Variants in THRB observed in about 807,000 individuals in gnomAD.
The protein encoded by THRB is nuclear receptor subfamily 1 group A member 2.
A neutral mutation model predicts 47.8 loss-of-function variants in THRB; 12 were observed. The observed-to-expected ratio is 0.25, with a 90% confidence interval of 0.16 to 0.41. The LOEUF (loss-of-function observed/expected upper bound fraction) is 0.41, where lower values mean the gene tolerates loss of function less well. Ranked by LOEUF, THRB falls within the 10% of genes least tolerant of loss-of-function variation. THRB has a pLI of 1.00. For missense variants in THRB, 348 were observed against 589.2 expected (o/e 0.59, Z 4.24); for synonymous variants, 218 against 212.2 (o/e 1.03, Z -0.24).
intron 3 of THRB, among the ~76,000 whole-genome samples, chr3:24,270,040 T>C (rs1321437915): frequency 1.3e-5 from 2 of 152,166 alleles, no homozygotes. Context: ...TTTACTCAGA[T>C]TGGGAAATAA....
intron 1 of THRB, among the ~76,000 whole-genome samples, chr3:24,418,680 G>C (rs2068966753): frequency 6.6e-6 from 1 of 151,882 alleles, no homozygotes. Context: ...AGTAGGGTGA[G>C]GCCCAGGAAT....
chr3:24,446,394 C>G (rs918288244), intron 1 of THRB, among the ~76,000 whole-genome samples: 2 of 152,064 alleles, frequency 1.3e-5, no homozygotes, highest in African/African-American at 4.8e-5. Context: ...TCCTTTCCTT[C>G]CACTCAAAGT....
intron 1 of THRB, among the ~76,000 whole-genome samples, chr3:24,390,186 G>A (rs1054516506): frequency 2.0e-5 from 3 of 152,072 alleles, no homozygotes; most frequent in Admixed American, 6.5e-5. Flanking sequence ...CAGCTACTAG[G>A]TGCTAGGCAG....
chr3:24,124,724 TG>T (rs1466785825), intron 10 of THRB, among the ~76,000 whole-genome samples: 1 of 152,186 alleles, frequency 6.6e-6, no homozygotes, highest in African/African-American at 2.4e-5. Context: ...TAGTGGCTCT[TG>T]GAAAAGTCTT....
intron 3 of THRB, among the ~76,000 whole-genome samples, chr3:24,243,436 C>T (rs1486215732): frequency 6.6e-6 from 1 of 152,040 alleles, no homozygotes; most frequent in Non-Finnish European, 1.5e-5. Context: ...CTTCCTCGAA[C>T]GTGTCATATG....
chr3:24,323,543 TA>T (rs1182256166), intron 2 of THRB, among the ~76,000 whole-genome samples: 1 of 152,240 alleles, frequency 6.6e-6, no homozygotes, highest in Non-Finnish European at 1.5e-5. Flanking sequence ...TCTGCATTCC[TA>T]ACCAGCTCCC....
At chr3:24,465,559 T>C (rs1465552272) in intron 1 of THRB, among the ~76,000 whole-genome samples, 1 of 152,130 alleles carries the variant, frequency 6.6e-6, no homozygotes, top group African/African-American at 2.4e-5. Flanking sequence ...TGCACCACCA[T>C]GACAGGCTTA....
chr3:24,471,307 T>C (rs1184652994), intron 1 of THRB, among the ~76,000 whole-genome samples: 1 of 152,206 alleles, frequency 6.6e-6, no homozygotes, highest in African/African-American at 2.4e-5. Context: ...GCAATCTGTA[T>C]GTTAACAAGC....
chr3:24,470,840 C>T (rs144764928), intron 1 of THRB, among the ~76,000 whole-genome samples: 5,304 of 152,288 alleles, frequency 0.035, 118 homozygotes, highest in Middle Eastern at 0.11. Flanking sequence ...TGGTCTCGAA[C>T]TCCTGACCTC....
intron 5 of THRB, among the ~76,000 whole-genome samples, chr3:24,161,222 G>C (rs1323991096): frequency 6.6e-6 from 1 of 152,220 alleles, no homozygotes; most frequent in Non-Finnish European, 1.5e-5. Flanking sequence ...TGAACAGCAT[G>C]TGTGTGGCAG....
chr3:24,461,212 G>A (rs2125651392), intron 1 of THRB, among the ~76,000 whole-genome samples: 1 of 152,276 alleles, frequency 6.6e-6, no homozygotes, highest in African/African-American at 2.4e-5. Context: ...AGTGAGGCAG[G>A]CCTGGGGTCA....
chr3:24,312,280 C>T (rs1263787442), intron 2 of THRB, among the ~76,000 whole-genome samples: 1 of 152,148 alleles, frequency 6.6e-6, no homozygotes, highest in African/African-American at 2.4e-5. Flanking sequence ...TGTCTGGGTC[C>T]CCAGTAGTCT....
chr3:24,218,519 A>G (rs1223748062), intron 4 of THRB, among the ~76,000 whole-genome samples: 3 of 152,030 alleles, frequency 2.0e-5, no homozygotes, highest in African/African-American at 7.3e-5. Flanking sequence ...AACTTCTTAA[A>G]AAAGTACAAA....
At chr3:24,320,405 G>T (rs1256711745) in intron 2 of THRB, among the ~76,000 whole-genome samples, 2 of 152,152 alleles carry the variant, frequency 1.3e-5, no homozygotes, top group African/African-American at 2.4e-5. Context: ...TCTCAACAAG[G>T]ACATTATGGC....
intron 3 of THRB, among the ~76,000 whole-genome samples, chr3:24,277,799 T>C (rs2054090383): frequency 1.3e-5 from 2 of 152,200 alleles, no homozygotes; most frequent in African/African-American, 2.4e-5. Flanking sequence ...CCAAAACTAA[T>C]GTTACATATA....
rs552213929 is a variant in THRB, at chr3:24,186,042, C to T, written c.283+4032G>A. ...GAATGGAGGGACTCAAGTGGCTCCC[C>T]ACGTGCAGTCAGGGAAGGGAAGAAA... is the stretch of plus-strand genomic sequence containing the variant. On this transcript the variant is annotated intron_variant, in intron 5 of 10. Coordinates refer to ENST00000646209, the MANE Select transcript of THRB (RefSeq NM_001354712.2). Among the ~76,000 whole-genome samples the T allele has an allele frequency of 2.0e-5, 3 of 152,264 alleles. 1 individual carries two copies. The East Asian group carries it at 5.8e-4, about 29-fold the overall frequency.
At chr3:24,128,310 A>G (rs1017528840) in intron 9 of THRB, among the ~76,000 whole-genome samples, 10 of 152,212 alleles carry the variant, frequency 6.6e-5, no homozygotes, top group Admixed American at 2.0e-4. Flanking sequence ...TATAAGCTTC[A>G]TCTAAAGTCA....
chr3:24,172,739 C>G (rs1338235112), intron 5 of THRB, among the ~76,000 whole-genome samples: 1 of 152,156 alleles, frequency 6.6e-6, no homozygotes, highest in African/African-American at 2.4e-5. Context: ...CTGATGGAAG[C>G]AGGCCCAGTA....
At chr3:24,294,604 A>C (rs1300363620) in intron 3 of THRB, among the ~76,000 whole-genome samples, 1 of 152,192 alleles carries the variant, frequency 6.6e-6, no homozygotes, top group Non-Finnish European at 1.5e-5. Context: ...CTGTGTGAAC[A>C]TATGCTGCCT....
Sources: allele counts gnomAD v4.1 joint callset (sites outside exome capture counted in the v4.1 genomes callset), GRCh38; gene constraint gnomAD v4.1.1; transcripts MANE v1.5; gene names NCBI Gene and HGNC (gene_info 2026-07-23, HGNC 2026-07-21).